The following RIN2 variants were observed in gnomAD, a reference collection of about 807,000 sequenced individuals.
RIN2 encodes the protein RAB5 interacting protein 2.
In RIN2, 36 loss-of-function variants were observed where a neutral mutation model predicts 78.0. The observed-to-expected ratio is 0.46, with a 90% CI of 0.35 to 0.61. RIN2 has a LOEUF of 0.61. Ranked by LOEUF, RIN2 falls within the 20% of genes least tolerant of loss-of-function variation. RIN2 has a pLI of 0.00. For synonymous variants in RIN2, 466 were observed against 466.8 expected (o/e 1.00, Z 0.02); for missense variants, 1,087 against 1,159.7 (o/e 0.94, Z 0.91).
intron 4 of RIN2, among the ~76,000 whole-genome samples, chr20:19,955,001 C>T (rs6132252): frequency 0.11 from 16,131 of 152,144 alleles, 919 homozygotes; most frequent in East Asian, 0.15. Context: ...GCATGATTCG[C>T]GGGTTTTAGT....
intron 2 of RIN2, among the ~76,000 whole-genome samples, chr20:19,848,685 C>G (rs1356785460): frequency 6.6e-6 from 1 of 151,418 alleles, no homozygotes; most frequent in Non-Finnish European, 1.5e-5. Flanking sequence ...CAGTACATAG[C>G]AGTTATTTAT....
chr20:19,876,907 A>AC (rs981245667), intron 2 of RIN2, among the ~76,000 whole-genome samples: 1 of 151,542 alleles, frequency 6.6e-6, no homozygotes, highest in South Asian at 2.1e-4. Context: ...ATCTCAAAAA[A>AC]AAAAAACAAA....
At chr20:19,878,200 C>T (rs1051339621) in intron 2 of RIN2, among the ~76,000 whole-genome samples, 4 of 152,126 alleles carry the variant, frequency 2.6e-5, no homozygotes, top group Admixed American at 1.3e-4. Flanking sequence ...GGGCCCACAT[C>T]CCCTCCCTGC....
At position 19,990,130 on chromosome 20, in the gene RIN2, G is replaced by C; in HGVS notation, c.1887G>C (p.Gln629His). ...GGAAGCAACTCAAGGAGAACCTGCAGCTTGTGCGGCAGAGGAATCCGCAGG... is the reference window on the plus strand; with the variant it reads ...GGAAGCAACTCAAGGAGAACCTGCACCTTGTGCGGCAGAGGAATCCGCAGG... ...GSWKQLKENL[Q>H]LVRQRNPQEL... The change falls in exon 10 of 13, where the codon CAG (glutamine) becomes CAC (histidine). Residue 629 changes from glutamine to histidine, a missense_variant. This residue lies in a region of RIN2 where 97 missense variants were observed against 104.8 expected (regional missense o/e 0.93). Coordinates refer to ENST00000255006, the MANE Select transcript of RIN2 (RefSeq NM_018993.4). 6.2e-7 allele frequency: 1 copy of C among 1,602,114 alleles called. No homozygotes were observed. Among genetic ancestry groups the C allele is most frequent in the Non-Finnish European group, 8.5e-7 (1 of 1,174,440 alleles).
At chr20:19,992,343 T>A (rs201138954) in intron 11 of RIN2, 44 bp downstream of exon 11, 19 of 1,510,586 alleles carry the variant, frequency 1.3e-5, no homozygotes, top group Middle Eastern at 1.7e-4. Flanking sequence ...GTGCTATTTT[T>A]TTCATTTTTT....
At chr20:19,925,901 G>C (rs2040203620) in intron 3 of RIN2, among the ~76,000 whole-genome samples, 1 of 152,280 alleles carries the variant, frequency 6.6e-6, no homozygotes, top group Admixed American at 6.5e-5. Context: ...ACACACACAG[G>C]TGACCATCAC....
intron 3 of RIN2, among the ~76,000 whole-genome samples, chr20:19,933,011 T>C (rs958793833): frequency 8.5e-5 from 13 of 152,056 alleles, no homozygotes; most frequent in African/African-American, 3.1e-4. Flanking sequence ...TTATATCAAT[T>C]TCTATGTCAA....
intron 2 of RIN2, among the ~76,000 whole-genome samples, chr20:19,876,368 C>G (rs980727931): frequency 6.6e-6 from 1 of 151,954 alleles, no homozygotes; most frequent in Admixed American, 6.6e-5. Context: ...TGTGTATACC[C>G]CAATGAGATA....
intron 3 of RIN2, among the ~76,000 whole-genome samples, chr20:19,924,816 A>T (rs1272767738): frequency 2.0e-4 from 24 of 118,854 alleles, no homozygotes; most frequent in African/African-American, 8.4e-4. Context: ...CTCGGCTCAC[A>T]GCAACCTCTG....
At chr20:19,813,258 C>T (rs6112586) in intron 2 of RIN2, among the ~76,000 whole-genome samples, 1 of 152,146 alleles carries the variant, frequency 6.6e-6, no homozygotes, top group African/African-American at 2.4e-5. Context: ...ATGGGCTAAT[C>T]GGCCAATAGC....
intron 3 of RIN2, among the ~76,000 whole-genome samples, chr20:19,896,889 G>A (rs6046434): frequency 0.015 from 2,247 of 152,114 alleles, 66 homozygotes; most frequent in African/African-American, 0.051. Flanking sequence ...ATTGTATTTG[G>A]CCTAATATAT....
intron 1 of RIN2, among the ~76,000 whole-genome samples, chr20:19,778,419 G>A (rs2034386812): frequency 6.6e-6 from 1 of 152,180 alleles, no homozygotes. Flanking sequence ...ACTGTGGTGG[G>A]AACTTTATCT....
At chr20:19,998,201 C>A (rs1217870894) in intron 12 of RIN2, among the ~76,000 whole-genome samples, 2 of 152,030 alleles carry the variant, frequency 1.3e-5, no homozygotes, top group Non-Finnish European at 2.9e-5. Flanking sequence ...AGGCTGGACT[C>A]AAACTCCTGG....
intron 9 of RIN2, among the ~76,000 whole-genome samples, chr20:19,978,400 T>G (rs1259670044): frequency 6.6e-6 from 1 of 152,194 alleles, no homozygotes; most frequent in Non-Finnish European, 1.5e-5. Context: ...TACTCATCTG[T>G]CTTCTTCAGA....
intron 3 of RIN2, among the ~76,000 whole-genome samples, chr20:19,890,870 G>GT (rs1389248952): frequency 1.3e-5 from 2 of 152,096 alleles, no homozygotes; most frequent in Non-Finnish European, 2.9e-5. Flanking sequence ...ATTTTTCAAG[G>GT]TGGAGAACTA....
intron 1 of RIN2, among the ~76,000 whole-genome samples, chr20:19,793,829 T>C (rs1207940800): frequency 6.6e-6 from 1 of 152,154 alleles, no homozygotes; most frequent in Non-Finnish European, 1.5e-5. Context: ...TAGATTTGGG[T>C]TCCCCATGGT....
intron 4 of RIN2, chr20:19,935,536 T>C (rs1359146894): frequency 1.9e-6 from 2 of 1,046,416 alleles, no homozygotes; most frequent in Non-Finnish European, 2.3e-6. Flanking sequence ...TAGAATTCAG[T>C]GTAGCCGTGT....
chr20:19,863,463 T>A (rs2037406741), intron 2 of RIN2, among the ~76,000 whole-genome samples: 1 of 152,132 alleles, frequency 6.6e-6, no homozygotes, highest in Admixed American at 6.5e-5. Flanking sequence ...CTTCAACCAA[T>A]GACTGATGGA....
intron 2 of RIN2, chr20:19,871,931 T>C (rs1479212861): frequency 6.6e-6 from 1 of 152,170 alleles, no homozygotes; most frequent in Admixed American, 6.5e-5. Flanking sequence ...TAGATCATTA[T>C]GGGGGCAGTG....
Sources: allele counts gnomAD v4.1 joint callset (sites outside exome capture counted in the v4.1 genomes callset), GRCh38; gene constraint gnomAD v4.1.1; regional missense constraint gnomAD v4.1.1; transcripts MANE v1.5; gene names NCBI Gene and HGNC (gene_info 2026-07-23, HGNC 2026-07-21).